The following NPAS3 variants were observed in gnomAD, a reference collection of about 807,000 sequenced individuals.
The protein encoded by NPAS3 is neuronal PAS domain-containing protein 3.
In NPAS3, 14 loss-of-function variants were observed where a neutral mutation model predicts 73.1. That is an observed-to-expected ratio of 0.19 (90% CI 0.13 to 0.30). The LOEUF (loss-of-function observed/expected upper bound fraction) is 0.30, where lower values mean the gene tolerates loss of function less well. Ranked by LOEUF, NPAS3 falls within the 10% of genes least tolerant of loss-of-function variation. The pLI is 1.00. For synonymous variants in NPAS3, 620 were observed against 541.5 expected (o/e 1.14, Z -2.01); for missense variants, 1,096 against 1,250.0 (o/e 0.88, Z 1.86).
intron 2 of NPAS3, among the ~76,000 whole-genome samples, chr14:33,206,923 A>G (rs1053963496): frequency 2.0e-5 from 3 of 152,010 alleles, no homozygotes; most frequent in Admixed American, 2.0e-4. Context: ...CCTTTCAAAC[A>G]TTTAGCTGTG....
At chr14:33,542,757 C>T (rs899387842) in intron 4 of NPAS3, among the ~76,000 whole-genome samples, 14 of 152,178 alleles carry the variant, frequency 9.2e-5, no homozygotes, top group Admixed American at 2.0e-4. Flanking sequence ...GGATGGTACA[C>T]GTTTGCCTGA....
chr14:33,197,159 A>T (rs1394950699), intron 2 of NPAS3, among the ~76,000 whole-genome samples: 1 of 152,000 alleles, frequency 6.6e-6, no homozygotes, highest in African/African-American at 2.4e-5. Context: ...AACATACACC[A>T]TTCCTTACTG....
chr14:33,216,984 A>G (rs990640599), intron 3 of NPAS3, among the ~76,000 whole-genome samples: 1 of 152,192 alleles, frequency 6.6e-6, no homozygotes, highest in African/African-American at 2.4e-5. Flanking sequence ...GCTATAAAAA[A>G]CTACCCGAGA....
intron 3 of NPAS3, among the ~76,000 whole-genome samples, chr14:33,253,742 T>A (rs2048673523): frequency 6.6e-6 from 1 of 152,018 alleles, no homozygotes; most frequent in Non-Finnish European, 1.5e-5. Flanking sequence ...GACTGGGTGA[T>A]CTCATTCTGT....
chr14:33,753,814 A>G (rs141390728), intron 7 of NPAS3, among the ~76,000 whole-genome samples: 4 of 152,244 alleles, frequency 2.6e-5, no homozygotes, highest in African/African-American at 9.6e-5. Context: ...CCCTCCCACC[A>G]AAGTATGGGC....
intron 4 of NPAS3, among the ~76,000 whole-genome samples, chr14:33,537,922 C>T (rs2054327584): frequency 6.6e-6 from 1 of 152,190 alleles, no homozygotes; most frequent in African/African-American, 2.4e-5. Flanking sequence ...CATCTGGAGT[C>T]TCAAGCTGGT....
intron 3 of NPAS3, among the ~76,000 whole-genome samples, chr14:33,297,297 T>C (rs1031256455): frequency 6.6e-6 from 1 of 152,166 alleles, no homozygotes; most frequent in East Asian, 1.9e-4. Flanking sequence ...TAACTTAATA[T>C]ATACAAAACA....
intron 1 of NPAS3, among the ~76,000 whole-genome samples, chr14:33,026,397 C>G (rs979184409): frequency 7.2e-5 from 11 of 152,202 alleles, no homozygotes; most frequent in African/African-American, 2.7e-4. Context: ...ATGGTTCCTC[C>G]TTGTATCTGC....
intron 4 of NPAS3, among the ~76,000 whole-genome samples, chr14:33,517,243 C>A (rs950116224): frequency 6.6e-6 from 1 of 152,034 alleles, no homozygotes; most frequent in Non-Finnish European, 1.5e-5. Context: ...TTCTTCTCTG[C>A]TTGTCCTAAA....
At chr14:33,024,214 C>G (rs1309959701) in intron 1 of NPAS3, among the ~76,000 whole-genome samples, 1 of 151,580 alleles carries the variant, frequency 6.6e-6, no homozygotes, top group Non-Finnish European at 1.5e-5. Context: ...CTCTGTCACC[C>G]AGGCTGGAGT....
At chr14:33,287,589 T>A (rs1022272769) in intron 3 of NPAS3, among the ~76,000 whole-genome samples, 4 of 152,128 alleles carry the variant, frequency 2.6e-5, no homozygotes, top group African/African-American at 9.7e-5. Flanking sequence ...CATATTTACT[T>A]ACCCTATTCC....
chr14:33,673,357 T>C (rs1248137270), intron 5 of NPAS3, among the ~76,000 whole-genome samples: 1 of 152,218 alleles, frequency 6.6e-6, no homozygotes, highest in Non-Finnish European at 1.5e-5. Flanking sequence ...AAAAGATTGT[T>C]ATGAGGATTA....
intron 3 of NPAS3, among the ~76,000 whole-genome samples, chr14:33,319,525 T>C (rs538386709): frequency 6.6e-6 from 1 of 152,230 alleles, no homozygotes; most frequent in East Asian, 1.9e-4. Context: ...GAAAGTGGCA[T>C]GTATGAAGGA....
intron 5 of NPAS3, among the ~76,000 whole-genome samples, chr14:33,673,859 C>G (rs2059679191): frequency 6.6e-6 from 1 of 152,246 alleles, no homozygotes; most frequent in African/African-American, 2.4e-5. Context: ...GAGGAAGATT[C>G]TGGTCTTGAA....
chr14:33,223,177 G>A (rs1566694631), intron 3 of NPAS3, among the ~76,000 whole-genome samples: 1 of 152,106 alleles, frequency 6.6e-6, no homozygotes, highest in Non-Finnish European at 1.5e-5. Flanking sequence ...CAGGTGTCGT[G>A]GCAAGTGCCT....
chr14:33,002,043 C>T (rs145772494), intron 1 of NPAS3, among the ~76,000 whole-genome samples: 405 of 152,318 alleles, frequency 2.7e-3, no homozygotes, highest in African/African-American at 9.1e-3. Context: ...GAGCAAGTCT[C>T]AGCTCATGTC....
Position 33,362,055 on chromosome 14 carries a change from G to A in NPAS3, c.386-5131G>A, listed in dbSNP as rs547545765. ...ATATATATGAAAACAATAACAGTGC[G>A]TCATGTATGTATATATACATATTGC... On this transcript the variant is annotated intron_variant, in intron 3 of 11. Transcript: ENST00000356141. Among the ~76,000 whole-genome samples the A allele has an allele frequency of 9.5e-4, 145 of 152,152 alleles. 1 individual carries two copies. Among genetic ancestry groups the A allele is most frequent in the African/African-American group, 3.1e-3 (130 of 41,500 alleles).
At chr14:33,133,588 T>C (rs1203029958) in intron 2 of NPAS3, among the ~76,000 whole-genome samples, 1 of 152,206 alleles carries the variant, frequency 6.6e-6, no homozygotes, top group Admixed American at 6.5e-5. Flanking sequence ...CAGTCACTGG[T>C]AAAATAACAT....
At chr14:33,187,600 G>T (rs773006089) in intron 2 of NPAS3, among the ~76,000 whole-genome samples, 9 of 152,178 alleles carry the variant, frequency 5.9e-5, no homozygotes, top group Admixed American at 1.3e-4. Context: ...AGGAAGCTGA[G>T]ACAGGTTGAT....
Sources: allele counts gnomAD v4.1 joint callset (sites outside exome capture counted in the v4.1 genomes callset), GRCh38; gene constraint gnomAD v4.1.1; transcripts MANE v1.5; gene names NCBI Gene and HGNC (gene_info 2026-07-23, HGNC 2026-07-21).